DDR2: variants seen among roughly 807,000 people sequenced by gnomAD.
DDR2 encodes discoidin domain-containing receptor 2.
Under a neutral mutation model 94.9 loss-of-function variants are expected in DDR2, and 27 were observed. That is an observed-to-expected ratio of 0.28 (90% CI 0.21 to 0.39). The LOEUF (loss-of-function observed/expected upper bound fraction) is 0.39. Among genes scored for constraint, DDR2 ranks in the 10% least tolerant of loss-of-function variants. DDR2 has a pLI of 1.00. For synonymous variants in DDR2, 382 were observed against 377.2 expected (o/e 1.01, Z -0.15); for missense variants, 783 against 1,076.0 (o/e 0.73, Z 3.81).
In DDR2 at chr1:162,781,425, C is replaced by T. The variant is rs1426262574; in HGVS notation, c.*1179C>T. On this transcript the variant is annotated 3_prime_UTR_variant, in exon 18 of 18. Transcript: ENST00000367921. The stretch of plus-strand genomic sequence containing the variant: ...GGGAAAACGAAGCACTCAGAACATA[C>T]AAGGATAAATGGGCTGCCACCAGAG... 6.6e-6 allele frequency: 1 copy of T among 152,174 alleles called. No homozygotes were observed. The highest frequency in any genetic ancestry group is 2.4e-5 in the African/African-American group (1 of 41,444). 9.4% of individuals were successfully genotyped at this position (152,174 alleles called of 1,614,324 possible).
chr1:162,650,145 C>T (rs1380631737), intron 1 of DDR2, among the ~76,000 whole-genome samples: 5 of 152,138 alleles, frequency 3.3e-5, no homozygotes, highest in African/African-American at 1.2e-4. Flanking sequence ...AGTTGAAGTT[C>T]AAATGTGGAT....
intron 2 of DDR2, among the ~76,000 whole-genome samples, chr1:162,711,014 G>A (rs1229640259): frequency 6.6e-6 from 1 of 152,148 alleles, no homozygotes; most frequent in Non-Finnish European, 1.5e-5. Context: ...GGGGAAATCT[G>A]AATTTTCATT....
At chr1:162,730,058 CAA>C (rs1157549226) in intron 3 of DDR2, among the ~76,000 whole-genome samples, 13 of 64,138 alleles carry the variant, frequency 2.0e-4, no homozygotes, top group South Asian at 5.4e-4. Flanking sequence ...TTTTTTTTTG[CAA>C]AAAAAAAAAA....
chr1:162,683,856 C>A (rs551664173), intron 2 of DDR2, among the ~76,000 whole-genome samples: 1 of 151,870 alleles, frequency 6.6e-6, no homozygotes, highest in Non-Finnish European at 1.5e-5. Flanking sequence ...ATCTCAGCAA[C>A]GTTGTTTTTT....
In DDR2 at chr1:162,696,145, C is replaced by T. The variant is rs115752476; in HGVS notation, c.-27-22892C>T. 4.7e-3 allele frequency among the ~76,000 whole-genome samples: 710 copies of T among 150,280 alleles called. 8 individuals are homozygous for T. Among genetic ancestry groups the T allele is most frequent in the African/African-American group, 0.016 (670 of 40,770 alleles). On this transcript the variant is annotated intron_variant, in intron 2 of 17. Transcript: ENST00000367921. ...GAAGTGATAGTAAATTTCATGGGTT[C>T]GGCATATCTTCTGACCGACAGAAGA...
At position 162,770,429 on chromosome 1, in the gene DDR2, T is replaced by A. The variant is rs958394700; in HGVS notation, c.1421T>A (p.Ile474Asn). ...EQGSNSTYDRIFPLRPDYQEP... is the reference protein window; with the variant it reads ...EQGSNSTYDRNFPLRPDYQEP... Reference sequence around the variant, plus strand: ...GGGTCCAACTCGACTTACGATCGCATCTTTCCCCTTCGCCCTGACTACCAG... The same window carrying A: ...GGGTCCAACTCGACTTACGATCGCAACTTTCCCCTTCGCCCTGACTACCAG... The change falls in exon 12 of 18, where the codon ATC (isoleucine) becomes AAC (asparagine). Residue 474 changes from isoleucine (I) to asparagine (N), a missense_variant. Ile to Asn is a moderately radical substitution (Grantham distance 149, BLOSUM62 -3). Coordinates refer to ENST00000367921, the MANE Select transcript of DDR2 (RefSeq NM_006182.4). The A allele has an allele frequency of 6.2e-7, 1 of 1,614,110 alleles. No homozygotes were observed. The highest frequency in any genetic ancestry group is 8.5e-7 in the Non-Finnish European group (1 of 1,180,024).
At chr1:162,685,602 G>C (rs1659650282) in intron 2 of DDR2, among the ~76,000 whole-genome samples, 1 of 151,844 alleles carries the variant, frequency 6.6e-6, no homozygotes, top group East Asian at 1.9e-4. Flanking sequence ...CACTGAGGAG[G>C]CTGAACTGGG....
chr1:162,700,934 T>C (rs1447355568), intron 2 of DDR2, among the ~76,000 whole-genome samples: 1 of 152,218 alleles, frequency 6.6e-6, no homozygotes, highest in Admixed American at 6.5e-5. Flanking sequence ...TCTACATGTG[T>C]TGTGGTGAAA....
At chr1:162,685,146 TG>T (rs1472699991) in intron 2 of DDR2, among the ~76,000 whole-genome samples, 2 of 152,192 alleles carry the variant, frequency 1.3e-5, no homozygotes, top group Non-Finnish European at 2.9e-5. Context: ...CTCTTCAGTA[TG>T]ATTGGAATAA....
chr1:162,673,126 C>G (rs1210581721), intron 2 of DDR2, among the ~76,000 whole-genome samples: 1 of 152,128 alleles, frequency 6.6e-6, no homozygotes, highest in Non-Finnish European at 1.5e-5. Flanking sequence ...TAACAATCAG[C>G]TCAAATGTAC....
At chr1:162,748,036 C>T (rs1430579007) in intron 3 of DDR2, among the ~76,000 whole-genome samples, 1 of 152,200 alleles carries the variant, frequency 6.6e-6, no homozygotes, top group Non-Finnish European at 1.5e-5. Context: ...GTATCAGCCA[C>T]TGCAAAAACA....
intron 1 of DDR2, among the ~76,000 whole-genome samples, chr1:162,640,827 A>G (rs1031024538): frequency 2.0e-5 from 3 of 152,192 alleles, no homozygotes; most frequent in Admixed American, 6.5e-5. Flanking sequence ...TATAATAACT[A>G]TCACTTAAAG....
chr1:162,636,059 C>T (rs1385190526), intron 1 of DDR2, among the ~76,000 whole-genome samples: 1 of 152,166 alleles, frequency 6.6e-6, no homozygotes, highest in Non-Finnish European at 1.5e-5. Context: ...ATTTTTCTCT[C>T]TTTTAATTAT....
intron 2 of DDR2, among the ~76,000 whole-genome samples, chr1:162,706,278 A>C (rs1410792215): frequency 6.6e-6 from 1 of 152,202 alleles, no homozygotes; most frequent in Non-Finnish European, 1.5e-5. Context: ...TGTGCTCTGC[A>C]TAAGAATGTA....
chr1:162,729,608 A>C (rs1416190419), intron 3 of DDR2, among the ~76,000 whole-genome samples: 1 of 150,668 alleles, frequency 6.6e-6, no homozygotes, highest in Non-Finnish European at 1.5e-5. Context: ...TTGTGTCGTC[A>C]TGACCAGCAC....
chr1:162,750,386 C>T (rs1336867929), intron 3 of DDR2, among the ~76,000 whole-genome samples: 2 of 152,176 alleles, frequency 1.3e-5, no homozygotes, highest in Non-Finnish European at 2.9e-5. Context: ...AGTGAACTCC[C>T]ATTCACAATT....
chr1:162,701,092 G>A lies in DDR2; in HGVS notation c.-27-17945G>A, dbSNP rs149953600. Among the ~76,000 whole-genome samples, 1,078 of 149,968 alleles carry A rather than the reference G, an allele frequency of 7.2e-3. 13 individuals carry two copies. Among genetic ancestry groups the A allele is most frequent in the African/African-American group, 0.025 (1,024 of 41,072 alleles). ...AGAACTGAAAAAAAAAAAAAGCAGC[G>A]GTAATTTACTAATATATGTTTGTAG... On this transcript the variant is annotated intron_variant, in intron 2 of 17. Coordinates refer to ENST00000367921, the MANE Select transcript of DDR2 (RefSeq NM_006182.4).
chr1:162,741,643 C>G, intron 3 of DDR2: 1 of 985,356 alleles, frequency 1.0e-6, no homozygotes, highest in Non-Finnish European at 1.2e-6. Context: ...GAATGCCTGC[C>G]TTGGACAGCT....
Position 162,672,807 on chromosome 1 carries a change from G to T in DDR2, c.-28+17433G>T, listed in dbSNP as rs182917110. 2.9e-4 allele frequency among the ~76,000 whole-genome samples: 44 copies of T among 152,190 alleles called. No individual in the cohort carries two copies. In the East Asian group the frequency reaches 8.1e-3, roughly 28 times the overall value. ...TCTGGCGGCCATTCTCATGAGGATGGACTGTGCTGACTGATCTCAGTGAAA... is the reference window on the plus strand; with the variant it reads ...TCTGGCGGCCATTCTCATGAGGATGTACTGTGCTGACTGATCTCAGTGAAA... On this transcript the variant is annotated intron_variant, in intron 2 of 17. Transcript: ENST00000367921.
Sources: allele counts gnomAD v4.1 joint callset (sites outside exome capture counted in the v4.1 genomes callset), GRCh38; gene constraint gnomAD v4.1.1; transcripts MANE v1.5; gene names NCBI Gene and HGNC (gene_info 2026-07-23, HGNC 2026-07-21).